Variants in PPAT observed in about 807,000 individuals in gnomAD.
PPAT encodes amidophosphoribosyltransferase.
In PPAT, 20 loss-of-function variants were observed where a neutral mutation model predicts 60.2. That is an observed-to-expected ratio of 0.33 (90% CI 0.23 to 0.48). PPAT has a LOEUF of 0.48. PPAT is among the 20% of genes least tolerant of loss of function. The pLI is 0.99. For synonymous variants in PPAT, 194 were observed against 215.1 expected (o/e 0.90, Z 0.86); for missense variants, 349 against 629.6 (o/e 0.55, Z 4.77).
At chr4:56,406,365 ATTGT>A in intron 3 of PPAT, 126 bp downstream of exon 3, 2 of 904,612 alleles carry the variant, frequency 2.2e-6, no homozygotes, top group Non-Finnish European at 3.4e-6. Context: ...TTCTGATGCA[ATTGT>A]TTGTTGCAGT....
chr4:56,435,229 T>C, intron 1 of PPAT, 121 bp downstream of exon 1: 1 of 1,434,954 alleles, frequency 7.0e-7, no homozygotes, highest in Admixed American at 1.9e-5. Flanking sequence ...AGGCAGGTAC[T>C]GGCTTAGGTC....
At chr4:56,395,859 T>C (rs1474447013) in intron 10 of PPAT, among the ~76,000 whole-genome samples, 1 of 152,184 alleles carries the variant, frequency 6.6e-6, no homozygotes, top group Non-Finnish European at 1.5e-5. Context: ...CAGGAAGATC[T>C]AGGCTCAAAG....
rs1440834715 is a variant in PPAT, at chr4:56,435,579, G to C, written c.-102C>G. ...GTCGAGCTCAGAAGCTCGCGCTCGCGACAGGCTCTTCCTTCCCGAGGGTGG... is the reference window on the plus strand; with the variant it reads ...GTCGAGCTCAGAAGCTCGCGCTCGCCACAGGCTCTTCCTTCCCGAGGGTGG... On this transcript the variant is annotated 5_prime_UTR_variant, in exon 1 of 11. Transcript: ENST00000264220. 2.5e-6 allele frequency: 4 copies of C among 1,582,012 alleles called. No individual in the cohort carries two copies. In the Admixed American group the frequency reaches 6.8e-5, roughly 27 times the overall value.
At chr4:56,432,997 T>TTATATATATA (rs370961590) in intron 1 of PPAT, among the ~76,000 whole-genome samples, 2 of 148,436 alleles carry the variant, frequency 1.3e-5, no homozygotes, top group African/African-American at 5.0e-5. Flanking sequence ...CACACGTATT[T>TTATATATATA]TATATATATA....
At chr4:56,399,058 T>C in intron 9 of PPAT, 121 bp downstream of exon 9, 1 of 811,176 alleles carries the variant, frequency 1.2e-6, no homozygotes, top group Admixed American at 2.7e-5. Flanking sequence ...TAAACCAAAC[T>C]GATAAAAAAA....
intron 1 of PPAT, among the ~76,000 whole-genome samples, chr4:56,428,477 T>C (rs1717411519): frequency 6.6e-6 from 1 of 152,078 alleles, no homozygotes; most frequent in Non-Finnish European, 1.5e-5. Context: ...TCATACGAAA[T>C]ATAAAAATGT....
At position 56,397,195 on chromosome 4, in the gene PPAT, C is replaced by T. The variant is rs1016467890; in HGVS notation, c.1237-456G>A. Reference sequence around the variant, plus strand: ...AGAATAGATTTTCCCATTTTTGCTACGCAGTCTTCTTAGTATTTAATGGCT... The same window carrying T: ...AGAATAGATTTTCCCATTTTTGCTATGCAGTCTTCTTAGTATTTAATGGCT... On this transcript the variant is annotated intron_variant, in intron 9 of 10. Transcript: ENST00000264220. Among the ~76,000 whole-genome samples, 20 of 152,018 alleles carry T rather than the reference C, an allele frequency of 1.3e-4. 1 individual carries two copies. The highest frequency in any genetic ancestry group is 8.5e-4 in the Admixed American group (13 of 15,262).
Position 56,420,023 on chromosome 4 carries a change from C to T in PPAT, c.129-12307G>A, listed in dbSNP as rs188125693. 51 of 984,046 alleles carry T rather than the reference C, an allele frequency of 5.2e-5. No homozygotes were observed. In the East Asian group the frequency reaches 4.8e-3, roughly 92 times the overall value. The allele number at this position is 984,046 out of a possible 1,614,324, so 61.0% of individuals were successfully genotyped here. On this transcript the variant is annotated intron_variant, in intron 1 of 10. Coordinates refer to ENST00000264220, the MANE Select transcript of PPAT (RefSeq NM_002703.5). ...GAGAACATGTCACAGAATGTGCCAA[C>T]GTAAAAATGGGAGAGGACCAGACAG...
intron 1 of PPAT, among the ~76,000 whole-genome samples, chr4:56,425,158 G>A (rs1717224862): frequency 6.6e-6 from 1 of 152,118 alleles, no homozygotes; most frequent in African/African-American, 2.4e-5. Context: ...ATCTCAAAGG[G>A]TACGCTAAGA....
intron 1 of PPAT, among the ~76,000 whole-genome samples, chr4:56,427,642 T>TA (rs3036919): frequency 0.37 from 51,897 of 140,360 alleles, 9,738 homozygotes; most frequent in Non-Finnish European, 0.43. Context: ...CCCTGTCTCT[T>TA]AAAAAAAAAA....
chr4:56,393,611 G>C lies in PPAT; in HGVS notation c.*1741C>G, dbSNP rs560877385. 6.6e-6 allele frequency: 1 copy of C among 152,654 alleles called. No homozygotes were observed. Among genetic ancestry groups the C allele is most frequent in the South Asian group, 2.1e-4 (1 of 4,826 alleles). 9.5% of individuals were successfully genotyped at this position (152,654 alleles called of 1,614,324 possible). On this transcript the variant is annotated 3_prime_UTR_variant, in exon 11 of 11. Coordinates refer to ENST00000264220, the MANE Select transcript of PPAT (RefSeq NM_002703.5). ...AAAGGCCATGATGGAGAAATATTAA[G>C]AATCTGTAGAATTACTAAACTGTCA...
chr4:56,428,581 A>G (rs1483175588), intron 1 of PPAT, among the ~76,000 whole-genome samples: 2 of 152,162 alleles, frequency 1.3e-5, no homozygotes, highest in East Asian at 3.8e-4. Context: ...TAAGAAAACC[A>G]ACTCTCAGAA....
intron 3 of PPAT, among the ~76,000 whole-genome samples, chr4:56,403,695 A>G (rs1212594891): frequency 6.6e-6 from 1 of 152,174 alleles, no homozygotes; most frequent in Non-Finnish European, 1.5e-5. Flanking sequence ...TGAAATAATT[A>G]TACAACTCAC....
intron 1 of PPAT, among the ~76,000 whole-genome samples, chr4:56,424,144 T>C (rs1717176713): frequency 6.6e-6 from 1 of 152,220 alleles, no homozygotes. Context: ...AACTTTGATA[T>C]CTGGCCAAAA....
intron 1 of PPAT, among the ~76,000 whole-genome samples, chr4:56,428,584 T>A (rs563513770): frequency 6.6e-6 from 1 of 152,082 alleles, no homozygotes; most frequent in South Asian, 2.1e-4. Context: ...GAAAACCAAC[T>A]CTCAGAACTG....
intron 1 of PPAT, among the ~76,000 whole-genome samples, chr4:56,434,105 CAAG>C (rs1180816696): frequency 3.3e-5 from 5 of 152,018 alleles, no homozygotes; most frequent in Non-Finnish European, 5.9e-5. Flanking sequence ...TTAAAAAAAA[CAAG>C]AAATCTATTA....
At chr4:56,412,770 T>G (rs1167879760) in intron 1 of PPAT, among the ~76,000 whole-genome samples, 1 of 152,204 alleles carries the variant, frequency 6.6e-6, no homozygotes, top group Non-Finnish European at 1.5e-5. Context: ...AACCAGAACT[T>G]CATCATGTCT....
chr4:56,417,342 T>C (rs1049242579), intron 1 of PPAT, among the ~76,000 whole-genome samples: 1 of 151,856 alleles, frequency 6.6e-6, no homozygotes, highest in Non-Finnish European at 1.5e-5. Flanking sequence ...AAATACACCA[T>C]AAAATATCTC....
At chr4:56,429,324 A>T (rs1027894792) in intron 1 of PPAT, among the ~76,000 whole-genome samples, 1 of 152,164 alleles carries the variant, frequency 6.6e-6, no homozygotes. Flanking sequence ...CTTTACAGTG[A>T]TTGTTGCAAT....
Sources: allele counts gnomAD v4.1 joint callset (sites outside exome capture counted in the v4.1 genomes callset), GRCh38; gene constraint gnomAD v4.1.1; transcripts MANE v1.5; gene names NCBI Gene and HGNC (gene_info 2026-07-23, HGNC 2026-07-21).